ANKRD36C: variants seen among roughly 807,000 people sequenced by gnomAD.
ANKRD36C encodes the protein ankyrin repeat domain 36C.
Under a neutral mutation model 276.4 loss-of-function variants are expected in ANKRD36C, and 61 were observed. That is an observed-to-expected ratio of 0.22 (90% CI 0.18 to 0.27). The LOEUF (loss-of-function observed/expected upper bound fraction) is 0.27. Among genes scored for constraint, ANKRD36C ranks in the 10% least tolerant of loss-of-function variants. The pLI is 1.00. For missense variants in ANKRD36C, 1,447 were observed against 2,032.3 expected (o/e 0.71, Z 5.54); for synonymous variants, 483 against 680.1 (o/e 0.71, Z 4.51).
exon 1 of ANKRD36C, chr2:95,991,777 G>A (rs1169242587): frequency 2.7e-6 from 4 of 1,475,292 alleles, no homozygotes; most frequent in Non-Finnish European, 3.7e-6. Context: ...CGCCTCCGAA[G>A]AGCAACAACA....
At chr2:95,937,686 T>A (rs367668776) in intron 22 of ANKRD36C, among the ~76,000 whole-genome samples, 176 of 111,298 alleles carry the variant, frequency 1.6e-3, no homozygotes, top group Middle Eastern at 0.01. Context: ...TTCTTTCCAA[T>A]GTCATTCTCT....
chr2:95,921,915 GGCTT>G, intron 32 of ANKRD36C, 105 bp from the exon 33 acceptor site: 1 of 1,223,996 alleles, frequency 8.2e-7, no homozygotes, highest in South Asian at 1.7e-5. Context: ...TATTAGTGTA[GGCTT>G]TGATGTTTTC....
chr2:95,878,384 AT>A (rs1409390558), intron 58 of ANKRD36C, among the ~76,000 whole-genome samples: 1 of 152,186 alleles, frequency 6.6e-6, no homozygotes, highest in African/African-American at 2.4e-5. Context: ...TTGATATACC[AT>A]GCTAATCTCT....
intron 59 of ANKRD36C, among the ~76,000 whole-genome samples, chr2:95,871,930 A>G (rs1375496637): frequency 6.6e-6 from 1 of 150,818 alleles, no homozygotes; most frequent in African/African-American, 2.4e-5. Flanking sequence ...AGGCCATTAC[A>G]TAATGGTAAA....
chr2:95,968,296 G>A (rs988177832), intron 6 of ANKRD36C, among the ~76,000 whole-genome samples: 8 of 152,088 alleles, frequency 5.3e-5, no homozygotes, highest in Admixed American at 2.0e-4. Context: ...CCTTTCTTAT[G>A]TGCTTAGCAT....
At chr2:95,865,702 A>T (rs1235688460) in intron 60 of ANKRD36C, among the ~76,000 whole-genome samples, 3 of 152,096 alleles carry the variant, frequency 2.0e-5, no homozygotes, top group Admixed American at 2.0e-4. Context: ...TGTATACATG[A>T]GGTCGGATGT....
intron 12 of ANKRD36C, among the ~76,000 whole-genome samples, chr2:95,958,107 C>T (rs1400065800): frequency 6.6e-6 from 1 of 152,226 alleles, no homozygotes; most frequent in Non-Finnish European, 1.5e-5. Context: ...ACTTCTTTTC[C>T]CTTCTTCCTG....
intron 59 of ANKRD36C, among the ~76,000 whole-genome samples, chr2:95,875,696 TAAG>T (rs924243282): frequency 1.3e-5 from 2 of 152,034 alleles, no homozygotes; most frequent in African/African-American, 4.8e-5. Context: ...TAAAATAAAA[TAAG>T]AAAAGCAAAT....
intron 28 of ANKRD36C, among the ~76,000 whole-genome samples, chr2:95,926,900 C>A (rs1227127005): frequency 6.6e-5 from 10 of 151,586 alleles, no homozygotes; most frequent in Non-Finnish European, 1.5e-4. Flanking sequence ...TATACTTCAT[C>A]TCTTTCTCCA....
At chr2:95,962,267 A>T in intron 8 of ANKRD36C, 85 bp downstream of exon 8, 1 of 1,434,812 alleles carries the variant, frequency 7.0e-7, no homozygotes. Context: ...GTGCAGATTC[A>T]ATGAGCTCCC....
Position 95,855,845 on chromosome 2 carries a change from A to G in ANKRD36C, c.4416T>C (p.Asn1472=), listed in dbSNP as rs1675399784. ...TTTGATCATGATCACATAGAGCAGC[A>G]TTCAGTCTACAACGGTATGATTGCA... Residue 1472 remains asparagine (N), a synonymous_variant, in exon 63 of 67, where the codon AAT becomes AAC. Transcript: ENST00000456556. The G allele has an allele frequency of 1.9e-6, 3 of 1,613,804 alleles. No individual in the cohort carries two copies. In the African/African-American group the frequency reaches 4.0e-5, roughly 22 times the overall value.
At chr2:95,942,044 C>T (rs1677908062) in intron 19 of ANKRD36C, among the ~76,000 whole-genome samples, 1 of 152,286 alleles carries the variant, frequency 6.6e-6, no homozygotes, top group African/African-American at 2.4e-5. Context: ...GAGTAGATTA[C>T]AAAGAGTCAG....
intron 37 of ANKRD36C, 41 bp downstream of exon 39, chr2:95,916,102 A>G: frequency 6.2e-7 from 1 of 1,604,766 alleles, no homozygotes; most frequent in Non-Finnish European, 8.5e-7. Context: ...TTCATAGGCT[A>G]TACGTTTACT....
Position 95,896,929 on chromosome 2 carries a change from G to T in ANKRD36C, c.2755+2216C>A, listed in dbSNP as rs1477915181. On this transcript the variant is annotated intron_variant, in intron 44 of 66. Transcript: ENST00000456556. Reference sequence around the variant, plus strand: ...TTCTTGGCAGTACGATCTGAAGTGTGTAAATTCTATACTTCCTCTCTTTCT... The same window carrying T: ...TTCTTGGCAGTACGATCTGAAGTGTTTAAATTCTATACTTCCTCTCTTTCT... Among the ~76,000 whole-genome samples, 7 of 147,894 alleles carry T rather than the reference G, an allele frequency of 4.7e-5. 1 individual carries two copies. Among genetic ancestry groups the T allele is most frequent in the African/African-American group, 1.7e-4 (7 of 40,186 alleles).
chr2:95,927,810 C>G (rs1236719104), intron 26 of ANKRD36C, among the ~76,000 whole-genome samples: 2 of 151,596 alleles, frequency 1.3e-5, no homozygotes, highest in African/African-American at 2.4e-5. Flanking sequence ...CATTATACTA[C>G]AAACGTTCAT....
chr2:95,963,995 A>ATT (rs1558658753), intron 6 of ANKRD36C, among the ~76,000 whole-genome samples: 1 of 31,970 alleles, frequency 3.1e-5, no homozygotes, highest in African/African-American at 1.9e-4. Flanking sequence ...ATATATATAT[A>ATT]TATATATATA....
chr2:95,959,648 G>A (rs1678409807), intron 10 of ANKRD36C, among the ~76,000 whole-genome samples: 2 of 151,954 alleles, frequency 1.3e-5, no homozygotes, highest in Non-Finnish European at 2.9e-5. Context: ...AAATAGTCTG[G>A]TTTGAAGGAT....
Position 95,917,945 on chromosome 2 carries a change from G to T in ANKRD36C, c.2275-18C>A. On this transcript the variant is annotated intron_variant, in intron 35 of 66. Transcript: ENST00000456556. ...GTTGTAGCCTGAATGGAATTTGAAA[G>T]AAAATAATAAATAAATAAATCAATG... 6.2e-7 allele frequency: 1 copy of T among 1,601,836 alleles called. No individual in the cohort carries two copies. The highest frequency in any genetic ancestry group is 1.1e-5 in the South Asian group (1 of 90,066).
At chr2:95,895,936 A>G (rs1415609306) in intron 44 of ANKRD36C, among the ~76,000 whole-genome samples, 1 of 150,514 alleles carries the variant, frequency 6.6e-6, no homozygotes, top group Non-Finnish European at 1.5e-5. Flanking sequence ...CAATGTCAAA[A>G]CAGGTGCTAC....
Sources: allele counts gnomAD v4.1 joint callset (sites outside exome capture counted in the v4.1 genomes callset), GRCh38; gene constraint gnomAD v4.1.1; transcripts MANE v1.5; gene names NCBI Gene and HGNC (gene_info 2026-07-23, HGNC 2026-07-21).